AGAP9: variants seen among roughly 807,000 people sequenced by gnomAD.
AGAP9 encodes ArfGAP with GTPase domain, ankyrin repeat and PH domain 9, also known as arf-GAP with GTPase, ANK repeat and PH domain-containing protein 9.
Under a neutral mutation model 55.6 loss-of-function variants are expected in AGAP9, and 23 were observed. That is an observed-to-expected ratio of 0.41 (90% CI 0.30 to 0.59). AGAP9 has a LOEUF of 0.59. AGAP9 is among the 20% of genes least tolerant of loss of function. The pLI, the probability that AGAP9 is intolerant of heterozygous loss-of-function variation, is 0.25. For synonymous variants in AGAP9, 120 were observed against 305.0 expected (o/e 0.39, Z 6.32); for missense variants, 309 against 808.1 (o/e 0.38, Z 7.49).
Position 47,502,923 on chromosome 10 carries a change from G to A in AGAP9, c.1206C>T (p.His402=), listed in dbSNP as rs1840384700. The change falls in exon 8 of 8, where the codon CAC becomes CAT. Residue 402 remains histidine, a synonymous_variant. Coordinates refer to ENST00000452145, the MANE Select transcript of AGAP9 (RefSeq NM_001190810.1). ...PPSPHANKKK[H]LKKKSTNNFM... ...AGTTGTTGGTGCTTTTCTTCTTTAG[G>A]TGTTTCTTTTTATTGGCATGAGGAG... 4 of 1,603,140 alleles carry A rather than the reference G, an allele frequency of 2.5e-6. No individual in the cohort carries two copies. The highest frequency in any genetic ancestry group is 1.7e-5 in the Admixed American group (1 of 58,874).
At chr10:47,506,666 G>T (rs1840485324) in intron 6 of AGAP9, among the ~76,000 whole-genome samples, 3 of 142,262 alleles carry the variant, frequency 2.1e-5, no homozygotes, top group African/African-American at 7.6e-5. Flanking sequence ...TTTAGACAGA[G>T]TCTTGCTCTG....
intron 4 of AGAP9, among the ~76,000 whole-genome samples, chr10:47,510,847 A>G (rs1228452109): frequency 8.0e-6 from 1 of 125,542 alleles, no homozygotes; most frequent in African/African-American, 3.1e-5. Context: ...AAAAAAAAAA[A>G]AGAAAGAAAA....
chr10:47,510,935 AATTTATTT>A (rs1174596618), intron 4 of AGAP9, among the ~76,000 whole-genome samples: 308 of 112,240 alleles, frequency 2.7e-3, no homozygotes, highest in Middle Eastern at 4.9e-3. Flanking sequence ...TTAATTAATT[AATTTATTT>A]ATTTATTTAT....
At chr10:47,522,420 A>C (rs1361461899) in intron 2 of AGAP9, among the ~76,000 whole-genome samples, 8 of 150,116 alleles carry the variant, frequency 5.3e-5, no homozygotes, top group Admixed American at 3.3e-4. Flanking sequence ...ACACACACAC[A>C]CAACCATTTT....
intron 5 of AGAP9, among the ~76,000 whole-genome samples, chr10:47,509,539 TTAAAGA>T (rs1411760120): frequency 4.9e-5 from 6 of 122,312 alleles, no homozygotes; most frequent in African/African-American, 1.5e-4. Flanking sequence ...AAAAGTTAAA[TTAAAGA>T]TAAAGACATT....
At chr10:47,522,157 G>C (rs1336625572) in intron 2 of AGAP9, among the ~76,000 whole-genome samples, 1 of 140,646 alleles carries the variant, frequency 7.1e-6, no homozygotes, top group African/African-American at 2.7e-5. Flanking sequence ...GGGGAGCCAC[G>C]GCAACAAACA....
rs1840374484 is a variant in AGAP9 at position 47,502,510 on chromosome 10, G to C, written c.1619C>G (p.Ala540Gly). Residue 540 changes from alanine (A) to glycine (G), a missense_variant, in exon 8 of 8, where the codon GCC becomes GGC. Ala to Gly is a moderately conservative substitution (Grantham distance 60, BLOSUM62 0). Transcript: ENST00000452145. ...KVMSSIGNELANSIWEGSSQG... is the reference protein window; with the variant it reads ...KVMSSIGNELGNSIWEGSSQG... ...GCTGCTCCCTTCCCAGATGCTGTTG[G>C]CTAGCTCATTGCCAATAGATGACAT... is the stretch of plus-strand genomic sequence containing the variant. 6.2e-7 allele frequency: 1 copy of C among 1,613,060 alleles called. No individual in the cohort carries two copies.
chr10:47,521,256 C>G (rs1840826992), intron 2 of AGAP9, among the ~76,000 whole-genome samples: 1 of 136,212 alleles, frequency 7.3e-6, no homozygotes. Context: ...TACCCATCTA[C>G]TAACTGGTGT....
At chr10:47,521,698 CAA>C (rs1287460116) in intron 2 of AGAP9, among the ~76,000 whole-genome samples, 1 of 150,088 alleles carries the variant, frequency 6.7e-6, no homozygotes, top group Non-Finnish European at 1.5e-5. Context: ...ATTTTAGAGG[CAA>C]ACCAACTAAT....
chr10:47,506,458 GT>G (rs1349112711), intron 6 of AGAP9, among the ~76,000 whole-genome samples: 1 of 130,542 alleles, frequency 7.7e-6, no homozygotes, highest in Admixed American at 7.7e-5. Context: ...AGCCTCCCAA[GT>G]AACTGGGACT....
intron 4 of AGAP9, among the ~76,000 whole-genome samples, chr10:47,510,891 CAAT>C (rs1469777581): frequency 7.7e-6 from 1 of 129,218 alleles, no homozygotes; most frequent in Non-Finnish European, 1.6e-5. Context: ...TTTTCTACAG[CAAT>C]AAAAAGCAGC....
intron 4 of AGAP9, among the ~76,000 whole-genome samples, chr10:47,514,121 A>G (rs1840683440): frequency 7.1e-6 from 1 of 141,576 alleles, no homozygotes; most frequent in Non-Finnish European, 1.5e-5. Flanking sequence ...TTCGCAGTCT[A>G]TACATCTGAC....
At position 47,502,107 on chromosome 10, in the gene AGAP9, G is replaced by A; in HGVS notation, c.*45C>T. The A allele has an allele frequency of 1.3e-6, 2 of 1,572,968 alleles. No homozygotes were observed. Among genetic ancestry groups the A allele is most frequent in the Non-Finnish European group, 1.7e-6 (2 of 1,155,916 alleles). ...CACTCGTCGGGGCAGCCGTACTGCA[G>A]AAGCACGTTGATGCACTCCTGGCTG... On this transcript the variant is annotated 3_prime_UTR_variant, in exon 8 of 8. Coordinates refer to ENST00000452145, the MANE Select transcript of AGAP9 (RefSeq NM_001190810.1).
intron 2 of AGAP9, among the ~76,000 whole-genome samples, chr10:47,522,409 AACAC>A (rs1291922774): frequency 6.7e-6 from 1 of 149,416 alleles, no homozygotes; most frequent in Non-Finnish European, 1.5e-5. Flanking sequence ...AGAAACCCCA[AACAC>A]ACACACACAA....
chr10:47,522,307 G>A (rs1437543554), intron 2 of AGAP9, among the ~76,000 whole-genome samples: 1 of 146,358 alleles, frequency 6.8e-6, no homozygotes, highest in East Asian at 2.3e-4. Context: ...GGTAAATAAA[G>A]TCTGTTAAGT....
At position 47,502,473 on chromosome 10, in the gene AGAP9, TG is replaced by T. The variant is rs1340396257; in HGVS notation, c.1655del (p.Thr552LysfsTer5). 6.2e-7 allele frequency: 1 copy of T among 1,612,880 alleles called. No homozygotes were observed. Among genetic ancestry groups the T allele is most frequent in the Non-Finnish European group, 8.5e-7 (1 of 1,179,962 alleles). On this transcript the variant is annotated frameshift_variant, in exon 8 of 8. Coordinates refer to ENST00000452145, the MANE Select transcript of AGAP9 (RefSeq NM_001190810.1). LOFTEE classifies it high-confidence loss of function. ...CCCTCGTGGACTTTATTGAGGGTTT[TG>T]TCTGCCCCTGGCTGCTCCCTTCCCA... ...SIWEGSSQGQTKPSIKSTREE... is the reference protein window; with the variant it reads ...SIWEGSSQGQXKPSIKSTREE...
Position 47,510,234 on chromosome 10 carries a change from C to A in AGAP9, c.434G>T (p.Cys145Phe). The A allele has an allele frequency of 2.1e-6, 3 of 1,439,574 alleles. 1 individual carries two copies. The highest frequency in any genetic ancestry group is 1.2e-5 in the South Asian group (1 of 81,936). The allele number at this position is 1,439,574 out of a possible 1,614,324, so 89.2% of individuals were successfully genotyped here. ...TERFSQQYSS[C>F]STIFLDDSTA... The stretch of plus-strand genomic sequence containing the variant: ...GCTGTCATCAAGGAATATTGTCGAA[C>A]ACGAGCTGTATTGTTGACTGAAACG... The change falls in exon 5 of 8, where the codon TGT becomes TTT. Residue 145 changes from cysteine (C) to phenylalanine (F), a missense_variant. By Grantham distance (205) the Cys-to-Phe change is radical. Coordinates refer to ENST00000452145, the MANE Select transcript of AGAP9 (RefSeq NM_001190810.1).
At chr10:47,508,512 C>A (rs1186143637) in intron 5 of AGAP9, among the ~76,000 whole-genome samples, 1 of 112,774 alleles carries the variant, frequency 8.9e-6, no homozygotes, top group Non-Finnish European at 1.7e-5. Context: ...CAAGGTCCCA[C>A]CAAATAGGAG....
Position 47,503,031 on chromosome 10 carries a change from G to A in AGAP9, c.1098C>T (p.Asp366=). The A allele has an allele frequency of 1.2e-6, 2 of 1,608,532 alleles. No homozygotes were observed. The highest frequency in any genetic ancestry group is 1.1e-5 in the South Asian group (1 of 90,926). The change falls in exon 8 of 8, where the codon GAC becomes GAT. Residue 366 remains aspartate, a synonymous_variant. Coordinates refer to ENST00000452145, the MANE Select transcript of AGAP9 (RefSeq NM_001190810.1). The part of the protein sequence containing the change: ...SSSKSNGLSK[D]MDTGLGDSIC... ...TGGAGTCACCCAGCCCGGTGTCCAT[G>A]TCCTTGGATAGGCCATTGCTTTTAG...
Sources: allele counts gnomAD v4.1 joint callset (sites outside exome capture counted in the v4.1 genomes callset), GRCh38; gene constraint gnomAD v4.1.1; transcripts MANE v1.5; gene names NCBI Gene and HGNC (gene_info 2026-07-23, HGNC 2026-07-21).